The following RABGEF1 variants were observed in gnomAD, a reference collection of about 807,000 sequenced individuals.
RABGEF1 encodes RAB guanine nucleotide exchange factor 1.
A neutral mutation model predicts 57.3 loss-of-function variants in RABGEF1; 26 were observed. That is an observed-to-expected ratio of 0.45 (90% CI 0.33 to 0.63). RABGEF1 has a LOEUF of 0.63. Ranked by LOEUF, RABGEF1 falls within the 20% of genes least tolerant of loss-of-function variation. The probability of loss-of-function intolerance (pLI) is 0.02; values close to 1 mark genes in which losing one functional copy is unlikely to be tolerated. For missense variants in RABGEF1, 464 were observed against 607.6 expected (o/e 0.76, Z 2.48); for synonymous variants, 185 against 210.7 (o/e 0.88, Z 1.06).
the RABGEF1 span, among the ~76,000 whole-genome samples, chr7:66,665,660 G>A: frequency 2.6e-5 from 4 of 152,258 alleles, no homozygotes; most frequent in Middle Eastern, 3.4e-3. Context: ...CTAGAACATC[G>A]TAGGACTTCG....
At position 66,792,951 on chromosome 7, in the gene RABGEF1, G is replaced by A. The variant is rs532347868; in HGVS notation, c.514-2560G>A. On this transcript the variant is annotated intron_variant, in intron 4 of 8. Coordinates refer to ENST00000284957, the MANE Select transcript of RABGEF1 (RefSeq NM_014504.3). ...AGCAGGATGAGAGACAGTGGCAGGG[G>A]TGAGTTCTTTTACATTATGAAAGCA... is the stretch of plus-strand genomic sequence containing the variant. 3.3e-5 allele frequency among the ~76,000 whole-genome samples: 5 copies of A among 152,318 alleles called. No individual in the cohort carries two copies. The East Asian group carries it at 7.7e-4, about 24-fold the overall frequency.
intron 2 of RABGEF1, among the ~76,000 whole-genome samples, chr7:66,724,550 G>C (rs1477761125): frequency 6.6e-6 from 1 of 152,102 alleles, no homozygotes; most frequent in Non-Finnish European, 1.5e-5. Context: ...AGTAGAGACA[G>C]GGTTTCACCA....
rs1583953554 is a variant in RABGEF1, at chr7:66,772,190, T to A, written c.179+112T>A. 1.8e-5 allele frequency: 15 copies of A among 830,794 alleles called. No individual in the cohort carries two copies. The East Asian group carries it at 4.6e-4, about 25-fold the overall frequency. The allele number at this position is 830,794 out of a possible 1,614,324, so 51.5% of individuals were successfully genotyped here. On this transcript the variant is annotated intron_variant, in intron 2 of 8. Transcript: ENST00000284957. ...GCTTTGAGCTATCAGCAAGTCAGTT[T>A]AATATTAAGGAAAAGGATGTTTTCC...
chr7:66,773,304 A>T (rs1449346541), intron 2 of RABGEF1, among the ~76,000 whole-genome samples: 1 of 152,184 alleles, frequency 6.6e-6, no homozygotes, highest in African/African-American at 2.4e-5. Flanking sequence ...AGTAGAGGCC[A>T]CTAGGCACAA....
intron 1 of RABGEF1, among the ~76,000 whole-genome samples, chr7:66,757,863 G>A (rs529345274): frequency 3.3e-5 from 5 of 152,190 alleles, no homozygotes; most frequent in South Asian, 2.1e-4. Context: ...CGCCCGCCTC[G>A]ACCTCCCAAA....
chr7:66,706,445 C>G (rs1794102760), intron 1 of RABGEF1, among the ~76,000 whole-genome samples: 1 of 152,020 alleles, frequency 6.6e-6, no homozygotes. Flanking sequence ...GAGTCTCGCT[C>G]CGTCCCCAGG....
At chr7:66,760,109 C>T (rs188365959) in intron 1 of RABGEF1, among the ~76,000 whole-genome samples, 17 of 152,186 alleles carry the variant, frequency 1.1e-4, no homozygotes, top group Non-Finnish European at 1.6e-4. Flanking sequence ...CAAGCAGGCC[C>T]GTCTGAGAAT....
At chr7:66,760,375 G>A (rs1475809782) in intron 1 of RABGEF1, among the ~76,000 whole-genome samples, 1 of 151,456 alleles carries the variant, frequency 6.6e-6, no homozygotes. Context: ...CTCTTGTGTG[G>A]TCATGCCCCA....
chr7:66,805,680 T>C (rs1055783079), intron 8 of RABGEF1, among the ~76,000 whole-genome samples: 4 of 152,172 alleles, frequency 2.6e-5, no homozygotes, highest in African/African-American at 9.7e-5. Flanking sequence ...TTGGCAGGGC[T>C]TTTTCAACCA....
intron 2 of RABGEF1, among the ~76,000 whole-genome samples, chr7:66,722,213 G>A (rs2117528914): frequency 6.6e-6 from 1 of 152,024 alleles, no homozygotes; most frequent in East Asian, 1.9e-4. Flanking sequence ...GGGCTGTGGT[G>A]GGTGGGTCAT....
At position 66,772,067 on chromosome 7, in the gene RABGEF1, G is replaced by C; in HGVS notation, c.168G>C (p.Glu56Asp). The change falls in exon 2 of 9, where the codon GAG (glutamate) becomes GAC (aspartate). Residue 56 changes from glutamate to aspartate, a missense_variant. Glu to Asp is a conservative substitution (Grantham distance 45). Coordinates refer to ENST00000284957, the MANE Select transcript of RABGEF1 (RefSeq NM_014504.3). ...ARQKQIQEDWELAERLQREEE... is the reference protein window; with the variant it reads ...ARQKQIQEDWDLAERLQREEE... ...AGAAGCAGATTCAGGAGGACTGGGA[G>C]CTGGCGGAGCGGTAAAAGGACTTAA... 1 of 1,543,692 alleles carries C rather than the reference G, an allele frequency of 6.5e-7. No homozygotes were observed. The highest frequency in any genetic ancestry group is 8.7e-7 in the Non-Finnish European group (1 of 1,144,098).
intron 3 of RABGEF1, among the ~76,000 whole-genome samples, chr7:66,777,562 C>T (rs2129128313): frequency 6.6e-6 from 1 of 152,244 alleles, no homozygotes; most frequent in South Asian, 2.1e-4. Flanking sequence ...CCAAAAGCCT[C>T]TGTACAGTGT....
At chr7:66,665,613 C>T in the RABGEF1 span, among the ~76,000 whole-genome samples, 10 of 152,178 alleles carry the variant, frequency 6.6e-5, no homozygotes, top group Non-Finnish European at 1.2e-4. Context: ...TTCCCTGGGA[C>T]TCAGTCTTCT....
intron 1 of RABGEF1, among the ~76,000 whole-genome samples, chr7:66,701,435 G>T (rs909916276): frequency 2.0e-5 from 3 of 152,142 alleles, no homozygotes; most frequent in African/African-American, 7.2e-5. Flanking sequence ...GGAGGTTGAG[G>T]CTGCAGGGAG....
intron 1 of RABGEF1, among the ~76,000 whole-genome samples, chr7:66,704,626 CTG>C (rs1383915630): frequency 1.8e-4 from 27 of 151,870 alleles, no homozygotes; most frequent in Non-Finnish European, 2.2e-4. Flanking sequence ...CTGGCTAACA[CTG>C]TGAAACCCCA....
chr7:66,764,310 A>G (rs1805164597), intron 1 of RABGEF1, among the ~76,000 whole-genome samples: 2 of 151,994 alleles, frequency 1.3e-5, no homozygotes, highest in Middle Eastern at 3.4e-3. Context: ...CTGCTAAAAA[A>G]AATTGTTAAT....
At chr7:66,667,501 G>C in the RABGEF1 span, 4 of 152,330 alleles carry the variant, frequency 2.6e-5, no homozygotes, top group Non-Finnish European at 5.9e-5. Context: ...ATCATGGCCC[G>C]GCCTGAGAAC....
chr7:66,683,099 T>G (rs1195988011), intron 1 of RABGEF1, among the ~76,000 whole-genome samples: 1 of 152,180 alleles, frequency 6.6e-6, no homozygotes, highest in Non-Finnish European at 1.5e-5. Flanking sequence ...GGTTTTTGGC[T>G]TGGAGAGCTA....
upstream of RABGEF1, among the ~76,000 whole-genome samples, chr7:66,736,935 GACACACACACGT>G (rs760932560): frequency 1.4e-4 from 21 of 151,900 alleles, no homozygotes; most frequent in Admixed American, 2.6e-4. Context: ...TACGTATACA[GACACACACACGT>G]ACACACACAC....
Sources: allele counts gnomAD v4.1 joint callset (sites outside exome capture counted in the v4.1 genomes callset), GRCh38; gene constraint gnomAD v4.1.1; transcripts MANE v1.5; gene names NCBI Gene and HGNC (gene_info 2026-07-23, HGNC 2026-07-21).